DDX56: variants seen among roughly 807,000 people sequenced by gnomAD.
The protein encoded by DDX56 is DEAD-box helicase 56.
Under a neutral mutation model 61.5 loss-of-function variants are expected in DDX56, and 45 were observed. That is an observed-to-expected ratio of 0.73 (90% confidence interval 0.58 to 0.94). The LOEUF (loss-of-function observed/expected upper bound fraction) is 0.94. Ranked by LOEUF, DDX56 falls within the 40% of genes least tolerant of loss-of-function variation. The pLI is 0.00. For missense variants in DDX56, 708 were observed against 690.7 expected (o/e 1.02, Z -0.28); for synonymous variants, 273 against 268.3 (o/e 1.02, Z -0.17).
rs772063821 is a variant in DDX56 at position 44,569,918 on chromosome 7, A to G, written c.1125-15T>C. 2 of 1,611,356 alleles carry G rather than the reference A, an allele frequency of 1.2e-6. No homozygotes were observed. Among genetic ancestry groups the G allele is most frequent in the African/African-American group, 2.7e-5 (2 of 74,910 alleles). On this transcript the variant is annotated splice_polypyrimidine_tract_variant and intron_variant, in intron 8 of 13. Transcript: ENST00000258772. The stretch of plus-strand genomic sequence containing the variant: ...CGCGTGCTGTCCTGCAAGGGAAGAC[A>G]GTGCAGCTTGCATCTCCAACCCGCA...
rs1399942437 is a variant in DDX56 at position 44,565,988 on chromosome 7, G to A, written c.*14C>T. On this transcript the variant is annotated 3_prime_UTR_variant, in exon 14 of 14. Transcript: ENST00000258772. ...GCTCCACAATGTGCTCAGCTCCAGA[G>A]AGGCCCAACAACCTCAGGAGGGCTT... is the stretch of plus-strand genomic sequence containing the variant. 2.5e-6 allele frequency: 4 copies of A among 1,603,170 alleles called. No individual in the cohort carries two copies. The highest frequency in any genetic ancestry group is 4.5e-5 in the East Asian group (2 of 44,828).
Position 44,572,573 on chromosome 7 carries a change from C to A in DDX56, c.554+1G>T. ...AGGAATCACACCCACCTCTGCCTTACCAGAGGAGACTCTTGAGCTCTTCTT... is the reference window on the plus strand; with the variant it reads ...AGGAATCACACCCACCTCTGCCTTAACAGAGGAGACTCTTGAGCTCTTCTT... On this transcript the variant is annotated splice_donor_variant, in intron 4 of 13. Coordinates refer to ENST00000258772, the MANE Select transcript of DDX56 (RefSeq NM_019082.4). LOFTEE classifies it high-confidence loss of function. 6.2e-7 allele frequency: 1 copy of A among 1,614,060 alleles called. No homozygotes were observed. The highest frequency in any genetic ancestry group is 1.1e-5 in the South Asian group (1 of 91,078).
At chr7:44,571,831 G>GTCCTGAGTAGCT in intron 5 of DDX56, 95 bp from the exon 6 acceptor site, 1 of 1,495,014 alleles carries the variant, frequency 6.7e-7, no homozygotes. Flanking sequence ...TTTTAGTGCA[G>GTCCTGAGTAGCT]GGCAGAGATG....
At position 44,571,608 on chromosome 7, in the gene DDX56, C is replaced by G; in HGVS notation, c.774G>C (p.Arg258=). 1 of 1,614,106 alleles carries G rather than the reference C, an allele frequency of 6.2e-7. No individual in the cohort carries two copies. The highest frequency in any genetic ancestry group is 1.6e-4 in the Middle Eastern group (1 of 6,062). Residue 258 remains arginine, a synonymous_variant, in exon 6 of 14, where the codon CGG becomes CGC. Coordinates refer to ENST00000258772, the MANE Select transcript of DDX56 (RefSeq NM_019082.4). ...TGTTGACAAAGAGCAGAGACTTGCC[C>G]CGAATCAATGACAGCTTGAGCAGGG... is the stretch of plus-strand genomic sequence containing the variant. The part of the protein sequence containing the change: ...LYALLKLSLI[R]GKSLLFVNTL...
intron 12 of DDX56, chr7:44,567,769 C>T: frequency 5.6e-6 from 2 of 355,098 alleles, no homozygotes; most frequent in Non-Finnish European, 1.1e-5. Flanking sequence ...TCTCTGCCTC[C>T]TGCCCGTGAC....
Position 44,571,606 on chromosome 7 carries a change from C to T in DDX56, c.776G>A (p.Gly259Asp). ...AGTGTTGACAAAGAGCAGAGACTTG[C>T]CCCGAATCAATGACAGCTTGAGCAG... ...YALLKLSLIR[G>D]KSLLFVNTLE... The change falls in exon 6 of 14, where the codon GGC becomes GAC. Residue 259 changes from glycine (G) to aspartate (D), a missense_variant. Transcript: ENST00000258772. 2 of 1,614,096 alleles carry T rather than the reference C, an allele frequency of 1.2e-6. No homozygotes were observed. The highest frequency in any genetic ancestry group is 8.5e-7 in the Non-Finnish European group (1 of 1,180,036).
In DDX56 at chr7:44,572,455, A is replaced by T. The variant is rs1237137760; in HGVS notation, c.555-18T>A. The T allele has an allele frequency of 6.2e-7, 1 of 1,613,782 alleles. No homozygotes were observed. The stretch of plus-strand genomic sequence containing the variant: ...GCAAGTGACTGAAATGAAAGAATCC[A>T]ATCAGATTCCAGCTCCAAGGGCCGC... On this transcript the variant is annotated intron_variant, in intron 4 of 13. Coordinates refer to ENST00000258772, the MANE Select transcript of DDX56 (RefSeq NM_019082.4).
At chr7:44,566,114 T>A in intron 13 of DDX56, 35 bp from the exon 14 acceptor site, 37 of 1,376,588 alleles carry the variant, frequency 2.7e-5, no homozygotes, top group Non-Finnish European at 3.5e-5. Flanking sequence ...GTTGGGGGAA[T>A]CAGGCCGACA....
At chr7:44,571,830 A>T (rs914104689) in intron 5 of DDX56, 94 bp from the exon 6 acceptor site, 2 of 1,512,442 alleles carry the variant, frequency 1.3e-6, no homozygotes, top group Non-Finnish European at 1.8e-6. Flanking sequence ...ATTTTAGTGC[A>T]GGGCAGAGAT....
intron 2 of DDX56, 67 bp from the exon 3 acceptor site, chr7:44,573,117 C>T (rs1802722417): frequency 1.4e-6 from 2 of 1,446,140 alleles, no homozygotes; most frequent in South Asian, 1.4e-5. Flanking sequence ...GTCTCTACCC[C>T]TTCCAGCCTA....
intron 2 of DDX56, among the ~76,000 whole-genome samples, chr7:44,573,255 G>GT (rs1324088336): frequency 2.0e-5 from 3 of 152,222 alleles, no homozygotes; most frequent in Admixed American, 2.0e-4. Flanking sequence ...GTACTCTGAT[G>GT]TTTATGAAGC....
rs1802737383 is a variant in DDX56, at chr7:44,573,569, C to T, written c.222+14G>A. ...GCTTGCCTCCTTCCTCCCCTCAGCT[C>T]TCTCGTTACCCACCGCCTTCCTATG... On this transcript the variant is annotated intron_variant, in intron 2 of 13. Coordinates refer to ENST00000258772, the MANE Select transcript of DDX56 (RefSeq NM_019082.4). 6.2e-7 allele frequency: 1 copy of T among 1,611,678 alleles called. No homozygotes were observed.
chr7:44,571,363 G>A (rs1802664531), intron 6 of DDX56, 129 bp downstream of exon 6: 6 of 1,097,582 alleles, frequency 5.5e-6, no homozygotes, highest in Non-Finnish European at 7.9e-6. Flanking sequence ...TTTGGAGTTG[G>A]GAGAAGTCAG....
At position 44,568,873 on chromosome 7, in the gene DDX56, C is replaced by G. The variant is rs766938053; in HGVS notation, c.1383+30G>C. The G allele has an allele frequency of 5.1e-6, 8 of 1,566,292 alleles. No homozygotes were observed. The South Asian group carries it at 8.9e-5, about 17-fold the overall frequency. ...TCCAAAAAGGGCAGCCGTCTAAGAT[C>G]TATCCCCTTCTCACCTCCCATCCAC... On this transcript the variant is annotated intron_variant, in intron 11 of 13. Transcript: ENST00000258772.
chr7:44,568,819 GC>G, intron 11 of DDX56, 83 bp downstream of exon 11: 1 of 1,180,966 alleles, frequency 8.5e-7, no homozygotes, highest in Admixed American at 1.8e-5. Context: ...CCAGTTCTCT[GC>G]TTCTCACCAC....
At position 44,566,479 on chromosome 7, in the gene DDX56, T is replaced by C. The variant is rs763059235; in HGVS notation, c.1535A>G (p.Lys512Arg). 5 of 1,564,636 alleles carry C rather than the reference T, an allele frequency of 3.2e-6. No homozygotes were observed. The South Asian group carries it at 5.9e-5, about 18-fold the overall frequency. The change falls in exon 13 of 14, where the codon AAG (lysine) becomes AGG (arginine). Residue 512 changes from lysine (K) to arginine (R), a missense_variant. Coordinates refer to ENST00000258772, the MANE Select transcript of DDX56 (RefSeq NM_019082.4). ...RGLVRPHKKR[K>R]KLSSSCRKAK... ...CTTCCTACAAGAGGAAGACAGCTTC[T>C]TCCGCTTCTTGTGAGGGCGCACCAG...
chr7:44,572,346 C>T lies in DDX56; in HGVS notation c.645+1G>A, dbSNP rs575480593. On this transcript the variant is annotated splice_donor_variant, in intron 5 of 13. Coordinates refer to ENST00000258772, the MANE Select transcript of DDX56 (RefSeq NM_019082.4). LOFTEE classifies it high-confidence loss of function. ...CCAGACACTTCCATGGTGCCTCTTACCGGGTTATGTAATATCAGCTCCTTG... is the reference window on the plus strand; with the variant it reads ...CCAGACACTTCCATGGTGCCTCTTATCGGGTTATGTAATATCAGCTCCTTG... The T allele has an allele frequency of 2.5e-6, 4 of 1,613,176 alleles. No homozygotes were observed. Among genetic ancestry groups the T allele is most frequent in the Non-Finnish European group, 3.4e-6 (4 of 1,179,410 alleles).
chr7:44,568,464 G>A (rs909938038), intron 11 of DDX56, among the ~76,000 whole-genome samples: 4 of 151,940 alleles, frequency 2.6e-5, no homozygotes, highest in Non-Finnish European at 5.9e-5. Context: ...ATATGGACAC[G>A]CAACCAACCT....
chr7:44,573,561 C>G, intron 2 of DDX56, 22 bp downstream of exon 2: 3 of 1,610,478 alleles, frequency 1.9e-6, no homozygotes, highest in Non-Finnish European at 2.5e-6. Flanking sequence ...TCCTTCCTCC[C>G]CTCAGCTCTC....
Sources: gnomAD v4.1 joint callset for allele counts (sites outside exome capture counted in the v4.1 genomes callset) on GRCh38, gnomAD v4.1.1 for gene constraint, MANE v1.5 for transcripts, NCBI Gene and HGNC (gene_info 2026-07-23, HGNC 2026-07-21) for gene names.